The following ZNF680 variants were observed in gnomAD, a reference collection of about 807,000 sequenced individuals.
The protein encoded by ZNF680 is hypothetical protein FLJ90430.
ZNF680 carries 6 observed loss-of-function variants against 12.1 expected under a neutral mutation model. The ratio of observed to expected loss-of-function variants is 0.49; its 90% confidence interval spans 0.27 to 0.98. The LOEUF (loss-of-function observed/expected upper bound fraction) is 0.98, where lower values mean the gene tolerates loss of function less well. Among genes scored for constraint, ZNF680 ranks in the 50% least tolerant of loss-of-function variants. ZNF680 has a pLI of 0.12. For missense variants in ZNF680, 561 were observed against 616.3 expected, an observed-to-expected ratio of 0.91 and a Z score of 0.95; for synonymous variants, 170 against 199.3, an observed-to-expected ratio of 0.85 and a Z score of 1.24.
At chr7:64,504,541 T>C in the ZNF680 span, among the ~76,000 whole-genome samples, 1 of 152,240 alleles carries the variant, frequency 6.6e-6, no homozygotes, top group Non-Finnish European at 1.5e-5. Flanking sequence ...AACAATCTTT[T>C]ACTAAAAGCC....
At chr7:64,541,895 C>A (rs944265959) in intron 3 of ZNF680, among the ~76,000 whole-genome samples, 2 of 152,182 alleles carry the variant, frequency 1.3e-5, no homozygotes, top group African/African-American at 4.8e-5. Flanking sequence ...GCTCCCTGAG[C>A]CACAGTTCAC....
At chr7:64,545,501 T>C (rs1786743871) in intron 1 of ZNF680, among the ~76,000 whole-genome samples, 1 of 152,148 alleles carries the variant, frequency 6.6e-6, no homozygotes, top group South Asian at 2.1e-4. Flanking sequence ...AAGTGAATCA[T>C]TAACATCAAC....
At chr7:64,529,675 T>C (rs909893239) in intron 3 of ZNF680, among the ~76,000 whole-genome samples, 4 of 152,052 alleles carry the variant, frequency 2.6e-5, no homozygotes, top group East Asian at 1.9e-4. Context: ...CTAAGAATAA[T>C]TGGCATTTGT....
chr7:64,524,680 TTAA>T (rs1239801417), intron 3 of ZNF680: 2 of 152,106 alleles, frequency 1.3e-5, no homozygotes, highest in Non-Finnish European at 2.9e-5. Context: ...AAAACAATTA[TTAA>T]TAACAGAGGC....
the ZNF680 span, among the ~76,000 whole-genome samples, chr7:64,506,271 C>T: frequency 6.7e-6 from 1 of 149,760 alleles, no homozygotes; most frequent in Non-Finnish European, 1.5e-5. Context: ...GGCGCCATCT[C>T]GGCTACTGCA....
chr7:64,509,549 C>T, the ZNF680 span, among the ~76,000 whole-genome samples: 3 of 152,038 alleles, frequency 2.0e-5, no homozygotes, highest in African/African-American at 4.8e-5. Context: ...TTTTTTAATT[C>T]TTCACTGGGG....
At chr7:64,526,397 G>A (rs1457575047) in intron 3 of ZNF680, 2 of 1,460,840 alleles carry the variant, frequency 1.4e-6, no homozygotes, top group Admixed American at 2.7e-5. Flanking sequence ...CTACATGAAG[G>A]GCTACATAGT....
intron 3 of ZNF680, among the ~76,000 whole-genome samples, chr7:64,531,793 G>A (rs1384984909): frequency 1.3e-5 from 2 of 152,052 alleles, no homozygotes; most frequent in African/African-American, 2.4e-5. Flanking sequence ...AGCAAAGGTA[G>A]TGCTAAGAGG....
intron 3 of ZNF680, among the ~76,000 whole-genome samples, chr7:64,527,565 C>A (rs1248629328): frequency 1.3e-5 from 2 of 151,872 alleles, no homozygotes; most frequent in African/African-American, 4.8e-5. Flanking sequence ...CATGGTGGCA[C>A]AGGCCTATAA....
chr7:64,559,605 T>C (rs1482313181), intron 1 of ZNF680, among the ~76,000 whole-genome samples: 5 of 151,930 alleles, frequency 3.3e-5, no homozygotes, highest in African/African-American at 4.8e-5. Context: ...CTCAGCCTCC[T>C]GAGTAGCTGG....
chr7:64,501,848 G>C, the ZNF680 span: 5 of 549,732 alleles, frequency 9.1e-6, no homozygotes, highest in African/African-American at 1.9e-5. Flanking sequence ...CATTGTCCTT[G>C]TCTTTCCCAT....
At chr7:64,544,088 A>G in intron 2 of ZNF680, 1 of 655,682 alleles carries the variant, frequency 1.5e-6, no homozygotes, top group Non-Finnish European at 2.4e-6. Flanking sequence ...ACTAATCTAG[A>G]GTGAAGGACA....
the ZNF680 span, among the ~76,000 whole-genome samples, chr7:64,509,837 G>A: frequency 6.6e-6 from 1 of 152,144 alleles, no homozygotes; most frequent in Non-Finnish European, 1.5e-5. Context: ...AAAGGAGAGA[G>A]AGAAGGAGGA....
At chr7:64,552,105 G>A (rs1787111637) in intron 1 of ZNF680, 1 of 152,132 alleles carries the variant, frequency 6.6e-6, no homozygotes, top group Non-Finnish European at 1.5e-5. Context: ...TCAGGTTAGA[G>A]TGCAGTGGCA....
At chr7:64,507,548 T>C in the ZNF680 span, among the ~76,000 whole-genome samples, 1 of 151,874 alleles carries the variant, frequency 6.6e-6, no homozygotes, top group South Asian at 2.1e-4. Context: ...GTTTCGCTCT[T>C]GTCACCCAGG....
At chr7:64,553,186 C>T (rs1480771776) in intron 1 of ZNF680, among the ~76,000 whole-genome samples, 1 of 151,136 alleles carries the variant, frequency 6.6e-6, no homozygotes, top group Non-Finnish European at 1.5e-5. Flanking sequence ...TGTGACAATG[C>T]TAATTGTTCT....
intron 1 of ZNF680, among the ~76,000 whole-genome samples, chr7:64,545,281 A>G (rs1786729613): frequency 8.7e-6 from 1 of 114,368 alleles, no homozygotes; most frequent in Admixed American, 8.2e-5. Flanking sequence ...AAAAAAAAAA[A>G]AAAAAAAAAA....
At chr7:64,522,926 AAAATGG>A (rs942087761) in intron 3 of ZNF680, among the ~76,000 whole-genome samples, 6 of 151,944 alleles carry the variant, frequency 3.9e-5, no homozygotes, top group African/African-American at 1.4e-4. Flanking sequence ...TCTGTCCTAC[AAAATGG>A]AAAAAAAAAA....
rs758492273 is a variant in ZNF680 at position 64,521,137 on chromosome 7, G to C, written c.*24C>G. On this transcript the variant is annotated 3_prime_UTR_variant, in exon 4 of 4. Transcript: ENST00000309683. ...ATTTTTAGGGTTTCTCAACAGGATGGTGTCTTTTATGTTTAGAAAAGTTTT... is the reference window on the plus strand; with the variant it reads ...ATTTTTAGGGTTTCTCAACAGGATGCTGTCTTTTATGTTTAGAAAAGTTTT... 8 of 1,572,796 alleles carry C rather than the reference G, an allele frequency of 5.1e-6. No individual in the cohort carries two copies. Among genetic ancestry groups the C allele is most frequent in the Non-Finnish European group, 6.9e-6 (8 of 1,161,390 alleles).
Sources: gnomAD v4.1 joint callset for allele counts (sites outside exome capture counted in the v4.1 genomes callset) on GRCh38, gnomAD v4.1.1 for gene constraint, MANE v1.5 for transcripts, NCBI Gene and HGNC (gene_info 2026-07-23, HGNC 2026-07-21) for gene names.